Variants in WDR62 observed in about 807,000 individuals in gnomAD.
WDR62 encodes the protein WD repeat domain 62.
A neutral mutation model predicts 160.6 loss-of-function variants in WDR62; 112 were observed. The observed-to-expected ratio is 0.70, with a 90% CI of 0.60 to 0.82. The LOEUF (loss-of-function observed/expected upper bound fraction) is 0.82. WDR62 is among the 40% of genes least tolerant of loss of function. The pLI is 0.00. For synonymous variants in WDR62, 792 were observed against 815.1 expected (o/e 0.97, Z 0.48); for missense variants, 1,819 against 1,983.8 (o/e 0.92, Z 1.58).
chr19:36,068,004 C>T lies in WDR62; in HGVS notation c.876C>T (p.Asn292=), dbSNP rs759702925. 6.2e-7 allele frequency: 1 copy of T among 1,613,590 alleles called. No individual in the cohort carries two copies. Among genetic ancestry groups the T allele is most frequent in the Admixed American group, 1.7e-5 (1 of 59,946 alleles). The part of the protein sequence containing the change: ...NEKRVLEKWI[N]LKVSLSSCLC... ...AGAGGGTGCTGGAGAAGTGGATCAA[C>T]CTGAAGGTACCACCTCCCTCTCTGC... is the stretch of plus-strand genomic sequence containing the variant. Residue 292 remains asparagine (N), a synonymous_variant, in exon 7 of 32, where the codon AAC becomes AAT. Transcript: ENST00000401500.
In WDR62 at chr19:36,093,918, C is replaced by G. The variant is rs117317026; in HGVS notation, c.2334-113C>G. ...GACTTGCCAGCACCATCTTGACCAG[C>G]AGCCAAGAATATGTTCACATGGAGC... On this transcript the variant is annotated intron_variant, in intron 19 of 31. Coordinates refer to ENST00000401500, the MANE Select transcript of WDR62 (RefSeq NM_001083961.2). The G allele has an allele frequency of 0.011, 15,242 of 1,329,486 alleles. 115 individuals are homozygous for G. Among genetic ancestry groups the G allele is most frequent in the Non-Finnish European group, 0.015 (13,514 of 926,834 alleles). The allele number at this position is 1,329,486 out of a possible 1,614,324, so 82.4% of individuals were successfully genotyped here.
intron 3 of WDR62, among the ~76,000 whole-genome samples, chr19:36,064,876 G>A (rs1330355164): frequency 5.3e-5 from 8 of 152,050 alleles, no homozygotes; most frequent in African/African-American, 1.2e-4. Flanking sequence ...CACCGCACCC[G>A]GCCCCCATTC....
intron 3 of WDR62, chr19:36,061,049 A>G (rs1404530997): frequency 6.6e-6 from 1 of 152,354 alleles, no homozygotes; most frequent in South Asian, 2.1e-4. Flanking sequence ...CCTCCTTGGC[A>G]TAGCTCAGGC....
intron 3 of WDR62, 163 bp downstream of exon 3, chr19:36,060,193 G>A (rs140726762): frequency 4.1e-6 from 3 of 731,692 alleles, no homozygotes; most frequent in African/African-American, 3.4e-5. Context: ...GTGTGCTGGG[G>A]ACACAGCAGT....
At chr19:36,068,580 A>G (rs1053438913) in intron 7 of WDR62, among the ~76,000 whole-genome samples, 5 of 152,210 alleles carry the variant, frequency 3.3e-5, no homozygotes, top group Non-Finnish European at 7.3e-5. Context: ...TGCTGCCTTC[A>G]AGCATCTGTT....
intron 1 of WDR62, among the ~76,000 whole-genome samples, chr19:36,056,325 G>T (rs1481596136): frequency 6.6e-6 from 1 of 152,068 alleles, no homozygotes; most frequent in African/African-American, 2.4e-5. Context: ...TGATTATACC[G>T]CCCACTCCTG....
At chr19:36,056,812 C>CTT (rs1005571081) in intron 1 of WDR62, among the ~76,000 whole-genome samples, 4 of 139,884 alleles carry the variant, frequency 2.9e-5, no homozygotes, top group East Asian at 2.1e-4. Context: ...TTTTTCTTTT[C>CTT]TTTTTTTTTT....
At chr19:36,068,067 G>A in intron 7 of WDR62, 57 bp downstream of exon 7, 1 of 1,567,764 alleles carries the variant, frequency 6.4e-7, no homozygotes, top group South Asian at 1.2e-5. Context: ...ATATGTGTCT[G>A]CAGGGGTGCT....
In WDR62 at chr19:36,099,381, T is replaced by C. The variant is rs766802383; in HGVS notation, c.2521-18T>C. On this transcript the variant is annotated intron_variant, in intron 21 of 31. Transcript: ENST00000401500. ...GTGAGCACTCAGCCAGTTGCCTGAC[T>C]GTCCGATATCCTTCAAGCTAGGGGA... is the stretch of plus-strand genomic sequence containing the variant. 1 of 1,610,690 alleles carries C rather than the reference T, an allele frequency of 6.2e-7. No individual in the cohort carries two copies. Among genetic ancestry groups the C allele is most frequent in the Non-Finnish European group, 8.5e-7 (1 of 1,178,610 alleles).
At chr19:36,086,472 G>C (rs1186281911) in intron 12 of WDR62, among the ~76,000 whole-genome samples, 1 of 152,108 alleles carries the variant, frequency 6.6e-6, no homozygotes, top group Admixed American at 6.5e-5. Context: ...CCCTGAGCTG[G>C]TGGTGAGGAG....
At chr19:36,110,393 C>T in the WDR62 span, among the ~76,000 whole-genome samples, 2 of 152,092 alleles carry the variant, frequency 1.3e-5, no homozygotes, top group Admixed American at 6.6e-5. Context: ...ATCGTTTGAA[C>T]CCGGGAGGTG....
chr19:36,094,110 G>C lies in WDR62; in HGVS notation c.2413G>C (p.Glu805Gln). Residue 805 changes from glutamate to glutamine, a missense_variant, in exon 20 of 32, where the codon GAG (glutamate) becomes CAG (glutamine). By Grantham distance (29) the Glu-to-Gln change is conservative. Around this residue, in one of 3 missense-constraint regions of WDR62, gnomAD observed 934 missense variants for 1,157.2 expected, o/e 0.81. Transcript: ENST00000401500. ...GCAAACAGAGGATGATCTGGAGGAA[G>C]AGTGTGAGCCAGAAGAGATGCTGAA... ...GEQTEDDLEEECEPEEMLKTP... is the reference protein window; with the variant it reads ...GEQTEDDLEEQCEPEEMLKTP... 6.2e-7 allele frequency: 1 copy of C among 1,614,190 alleles called. No homozygotes were observed. Among genetic ancestry groups the C allele is most frequent in the Non-Finnish European group, 8.5e-7 (1 of 1,180,026 alleles).
rs1029396151 is a variant in WDR62, at chr19:36,097,165, C to T, written c.2520+86C>T. ...CCTTCTGGAAGCCCTTTTTCCTTTC[C>T]ATGTCCCTCTTTTCCCTGGAGAAGC... On this transcript the variant is annotated intron_variant, in intron 21 of 31. Transcript: ENST00000401500. 4 of 1,326,574 alleles carry T rather than the reference C, an allele frequency of 3.0e-6. No individual in the cohort carries two copies. The African/African-American group carries it at 4.4e-5, about 14-fold the overall frequency. The allele number at this position is 1,326,574 out of a possible 1,614,324, so 82.2% of individuals were successfully genotyped here. A position where few individuals can be genotyped will look rare whatever the true frequency, so the allele number is the denominator to read the frequency against.
chr19:36,103,343 C>T lies in WDR62; in HGVS notation c.3515C>T (p.Pro1172Leu). The stretch of plus-strand genomic sequence containing the variant: ...TCAGTGCCATCTGCTTCCGTTACAG[C>T]TCCCTGCCTTACGAGCCTGGCGTCC... ...EETLEAWRPP[P>L]PCLTSLASCV... Residue 1172 changes from proline to leucine, a missense_variant and splice_region_variant, in exon 30 of 32, where the codon CCT becomes CTT. By Grantham distance (98) the Pro-to-Leu change is moderately conservative. Transcript: ENST00000401500. The T allele has an allele frequency of 6.2e-7, 1 of 1,613,898 alleles. No individual in the cohort carries two copies. Among genetic ancestry groups the T allele is most frequent in the Non-Finnish European group, 8.5e-7 (1 of 1,180,022 alleles).
At chr19:36,088,956 C>T in intron 13 of WDR62, 82 bp from the exon 14 acceptor site, 1 of 1,485,510 alleles carries the variant, frequency 6.7e-7, no homozygotes, top group Non-Finnish European at 9.3e-7. Flanking sequence ...TGATTGATGG[C>T]TCTTGCAGTG....
At position 36,067,875 on chromosome 19, in the gene WDR62, G is replaced by C. The variant is rs1971026193; in HGVS notation, c.747G>C (p.Glu249Asp). 3 of 1,614,232 alleles carry C rather than the reference G, an allele frequency of 1.9e-6. No homozygotes were observed. The highest frequency in any genetic ancestry group is 1.7e-5 in the Admixed American group (1 of 60,034). The change falls in exon 7 of 32, where the codon GAG (glutamate) becomes GAC (aspartate). Residue 249 changes from glutamate to aspartate, a missense_variant. Glu to Asp is a conservative substitution (Grantham distance 45). Coordinates refer to ENST00000401500, the MANE Select transcript of WDR62 (RefSeq NM_001083961.2). Reference protein sequence around the residue: ...PLVGRSGILGELHNNIFCGVA... With the variant: ...PLVGRSGILGDLHNNIFCGVA... ...TAGGGCGCTCGGGCATCCTGGGCGAGCTGCACAACAACATCTTCTGTGGTG... is the reference window on the plus strand; with the variant it reads ...TAGGGCGCTCGGGCATCCTGGGCGACCTGCACAACAACATCTTCTGTGGTG...
chr19:36,057,819 G>A (rs1045120240), intron 1 of WDR62, among the ~76,000 whole-genome samples: 1 of 152,146 alleles, frequency 6.6e-6, no homozygotes, highest in African/African-American at 2.4e-5. Flanking sequence ...CGTTGAAACC[G>A]CTCAAATTTC....
intron 10 of WDR62, 129 bp downstream of exon 10, chr19:36,081,699 A>G: frequency 1.6e-6 from 2 of 1,244,076 alleles, no homozygotes; most frequent in Non-Finnish European, 2.3e-6. Flanking sequence ...GCCGGCAACC[A>G]AGGCAGGTCC....
In WDR62 at chr19:36,103,332, T is replaced by G; in HGVS notation, c.3515-11T>G. Reference sequence around the variant, plus strand: ...GTGTGGTGGAGTCAGTGCCATCTGCTTCCGTTACAGCTCCCTGCCTTACGA... The same window carrying G: ...GTGTGGTGGAGTCAGTGCCATCTGCGTCCGTTACAGCTCCCTGCCTTACGA... On this transcript the variant is annotated splice_polypyrimidine_tract_variant and intron_variant, in intron 29 of 31. Transcript: ENST00000401500. 1 of 1,613,692 alleles carries G rather than the reference T, an allele frequency of 6.2e-7. No homozygotes were observed. Among genetic ancestry groups the G allele is most frequent in the African/African-American group, 1.3e-5 (1 of 75,036 alleles).
Sources: gnomAD v4.1 joint callset for allele counts (sites outside exome capture counted in the v4.1 genomes callset) on GRCh38, gnomAD v4.1.1 for gene constraint, gnomAD v4.1.1 regional missense constraint, MANE v1.5 for transcripts, NCBI Gene and HGNC (gene_info 2026-07-23, HGNC 2026-07-21) for gene names.